The following HECW2 variants were observed in gnomAD, a reference collection of about 807,000 sequenced individuals.
The protein encoded by HECW2 is E3 ubiquitin-protein ligase HECW2.
In HECW2, 61 loss-of-function variants were observed where a neutral mutation model predicts 175.2. That is an observed-to-expected ratio of 0.35 (90% CI 0.28 to 0.43). The LOEUF (loss-of-function observed/expected upper bound fraction) is 0.43, where lower values mean the gene tolerates loss of function less well. Ranked by LOEUF, HECW2 falls within the 20% of genes least tolerant of loss-of-function variation. HECW2 has a pLI of 1.00. For missense variants in HECW2, 1,524 were observed against 2,000.5 expected (o/e 0.76, Z 4.54); for synonymous variants, 671 against 731.0 (o/e 0.92, Z 1.32).
At chr2:196,506,735 C>T (rs1456751361) in intron 1 of HECW2, among the ~76,000 whole-genome samples, 1 of 151,520 alleles carries the variant, frequency 6.6e-6, no homozygotes, top group African/African-American at 2.4e-5. Flanking sequence ...AAACCAGTAC[C>T]CCTTGTCAAA....
intron 1 of HECW2, among the ~76,000 whole-genome samples, chr2:196,487,506 C>T (rs890209333): frequency 6.6e-6 from 1 of 152,074 alleles, no homozygotes; most frequent in Non-Finnish European, 1.5e-5. Flanking sequence ...ACTAATGTTC[C>T]AATGTGCTGA....
chr2:196,259,317 T>G (rs1689190115), intron 17 of HECW2, among the ~76,000 whole-genome samples: 1 of 152,190 alleles, frequency 6.6e-6, no homozygotes, highest in South Asian at 2.1e-4. Context: ...ATATTTTTCT[T>G]AAGATTGCTT....
At chr2:196,307,801 A>C (rs1575392990) in intron 11 of HECW2, 134 bp downstream of exon 11, 1 of 784,846 alleles carries the variant, frequency 1.3e-6, no homozygotes, top group East Asian at 2.8e-5. Flanking sequence ...TCTGGGAATC[A>C]AAAGCGGTAA....
At chr2:196,572,111 G>A (rs543223614) in intron 1 of HECW2, among the ~76,000 whole-genome samples, 4 of 152,164 alleles carry the variant, frequency 2.6e-5, no homozygotes, top group Non-Finnish European at 4.4e-5. Flanking sequence ...AAAAAGTAGC[G>A]TAGTGACTGC....
At chr2:196,243,016 A>C (rs997994803) in intron 19 of HECW2, among the ~76,000 whole-genome samples, 1 of 151,998 alleles carries the variant, frequency 6.6e-6, no homozygotes, top group South Asian at 2.1e-4. Flanking sequence ...TTAGATATGC[A>C]CTATCACCAA....
intron 6 of HECW2, 137 bp from the exon 7 acceptor site, chr2:196,322,757 C>G: frequency 1.4e-6 from 1 of 701,652 alleles, no homozygotes; most frequent in African/African-American, 1.8e-5. Flanking sequence ...ATAGCTGCAG[C>G]TATTGTCAAT....
chr2:196,448,503 C>T (rs1696252876), intron 1 of HECW2, among the ~76,000 whole-genome samples: 1 of 152,146 alleles, frequency 6.6e-6, no homozygotes, highest in African/African-American at 2.4e-5. Context: ...CAGGTTTATC[C>T]ACAAAATTTG....
At chr2:196,478,638 TA>T (rs1297251875) in intron 1 of HECW2, among the ~76,000 whole-genome samples, 1 of 151,880 alleles carries the variant, frequency 6.6e-6, no homozygotes, top group Non-Finnish European at 1.5e-5. Flanking sequence ...AACTTATCAT[TA>T]AAAAAAGTAT....
chr2:196,355,279 C>G (rs1208071176), intron 2 of HECW2, among the ~76,000 whole-genome samples: 1 of 152,204 alleles, frequency 6.6e-6, no homozygotes, highest in Admixed American at 6.5e-5. Flanking sequence ...TTTTCCCCAT[C>G]ATACTTGCAT....
At chr2:196,201,525 C>A (rs939638613) in intron 28 of HECW2, 137 bp from the exon 29 acceptor site, 3 of 504,112 alleles carry the variant, frequency 6.0e-6, no homozygotes, top group Non-Finnish European at 1.1e-5. Flanking sequence ...AATTTTCACA[C>A]TCCTTTTGAA....
chr2:196,589,316 G>C (rs1460823463), intron 1 of HECW2, among the ~76,000 whole-genome samples: 1 of 152,172 alleles, frequency 6.6e-6, no homozygotes, highest in East Asian at 1.9e-4. Flanking sequence ...AACATCCACT[G>C]GCCAACATAG....
At chr2:196,507,493 A>C (rs774849929) in intron 1 of HECW2, among the ~76,000 whole-genome samples, 3 of 152,226 alleles carry the variant, frequency 2.0e-5, no homozygotes, top group Non-Finnish European at 4.4e-5. Context: ...TACAGTAGTT[A>C]GAGGCCAGGG....
At chr2:196,487,933 T>C (rs1575599354) in intron 1 of HECW2, among the ~76,000 whole-genome samples, 1 of 152,184 alleles carries the variant, frequency 6.6e-6, no homozygotes, top group East Asian at 1.9e-4. Flanking sequence ...TGCTGGCTAA[T>C]AAGAACAAAC....
In HECW2 at chr2:196,320,832, G is replaced by C. The variant is rs6707866; in HGVS notation, c.885-393C>G. On this transcript the variant is annotated intron_variant, in intron 7 of 28. Coordinates refer to ENST00000644978, the MANE Select transcript of HECW2 (RefSeq NM_001348768.2). ...TTTGACTCGGGTGTAAAAGGGGAGAGAGCCTGGTTCCTCGGCATTTAGCAC... is the reference window on the plus strand; with the variant it reads ...TTTGACTCGGGTGTAAAAGGGGAGACAGCCTGGTTCCTCGGCATTTAGCAC... 2.0e-5 allele frequency among the ~76,000 whole-genome samples: 3 copies of C among 152,234 alleles called. No homozygotes were observed. The East Asian group carries it at 5.8e-4, about 29-fold the overall frequency.
At chr2:196,589,857 T>C (rs561631404) in intron 1 of HECW2, among the ~76,000 whole-genome samples, 1 of 152,370 alleles carries the variant, frequency 6.6e-6, no homozygotes, top group South Asian at 2.1e-4. Context: ...ATTCATATTG[T>C]GCTTGAAGAC....
intron 18 of HECW2, among the ~76,000 whole-genome samples, chr2:196,254,858 G>A (rs1447988824): frequency 1.3e-5 from 2 of 152,046 alleles, no homozygotes; most frequent in Non-Finnish European, 2.9e-5. Flanking sequence ...ATCTTTCCAT[G>A]GGTTTATTGG....
At chr2:196,592,392 A>G (rs1385683374) in intron 1 of HECW2, 1 of 152,238 alleles carries the variant, frequency 6.6e-6, no homozygotes, top group East Asian at 1.9e-4. Context: ...TGTTCTCTAA[A>G]TTAATAATAA....
At chr2:196,554,846 TTA>T (rs1161403969) in intron 1 of HECW2, among the ~76,000 whole-genome samples, 28 of 152,308 alleles carry the variant, frequency 1.8e-4, no homozygotes, top group African/African-American at 6.7e-4. Context: ...TGCAAAATAC[TTA>T]TGTTTTCACA....
chr2:196,419,398 C>T (rs1559099638), intron 2 of HECW2, among the ~76,000 whole-genome samples: 2 of 152,150 alleles, frequency 1.3e-5, no homozygotes, highest in South Asian at 4.1e-4. Context: ...TGTGCACATA[C>T]AATTTCCACC....
Sources: allele counts gnomAD v4.1 joint callset (sites outside exome capture counted in the v4.1 genomes callset), GRCh38; gene constraint gnomAD v4.1.1; transcripts MANE v1.5; gene names NCBI Gene and HGNC (gene_info 2026-07-23, HGNC 2026-07-21).